CEP295: variants seen among roughly 807,000 people sequenced by gnomAD.
CEP295 encodes centrosomal protein of 295 kDa.
Under a neutral mutation model 291.6 loss-of-function variants are expected in CEP295, and 190 were observed. The ratio of observed to expected loss-of-function variants is 0.65; its 90% CI spans 0.58 to 0.73. The LOEUF is 0.73. Ranked by LOEUF, CEP295 falls within the 30% of genes least tolerant of loss-of-function variation. CEP295 has a pLI of 0.00. For missense variants in CEP295, 2,863 were observed against 2,949.4 expected (o/e 0.97, Z 0.68); for synonymous variants, 993 against 1,038.8 (o/e 0.96, Z 0.85).
intron 5 of CEP295, among the ~76,000 whole-genome samples, chr11:93,671,433 T>C (rs1472179158): frequency 1.3e-5 from 2 of 152,176 alleles, no homozygotes; most frequent in African/African-American, 4.8e-5. Context: ...TTGAAGTTGT[T>C]TCTTGCGTCC....
intron 24 of CEP295, chr11:93,727,994 C>G (rs973209993): frequency 3.4e-4 from 60 of 175,788 alleles, no homozygotes; most frequent in African/African-American, 1.3e-3. Context: ...TCCAACTTCC[C>G]TGAAAAATGG....
chr11:93,711,669 A>ATT (rs1379094565), intron 18 of CEP295, among the ~76,000 whole-genome samples: 1 of 151,892 alleles, frequency 6.6e-6, no homozygotes, highest in African/African-American at 2.4e-5. Flanking sequence ...TGCTTAGCTA[A>ATT]TTTTTGTATT....
chr11:93,666,591 C>T, intron 1 of CEP295, 91 bp from the exon 2 acceptor site: 2 of 581,386 alleles, frequency 3.4e-6, no homozygotes, highest in Non-Finnish European at 6.0e-6. Context: ...AAGACTCTGT[C>T]TCAAAAAAAA....
intron 19 of CEP295, chr11:93,721,631 ATAAAACAATG>A: frequency 1.3e-6 from 1 of 753,712 alleles, no homozygotes; most frequent in Non-Finnish European, 2.4e-6. Flanking sequence ...AAGCAAAACT[ATAAAACAATG>A]TAAAACAATA....
At position 93,706,731 on chromosome 11, in the gene CEP295, T is replaced by C. The variant is rs929196695; in HGVS notation, c.5597-14T>C. The C allele has an allele frequency of 4.4e-5, 66 of 1,503,246 alleles. No homozygotes were observed. Among genetic ancestry groups the C allele is most frequent in the Non-Finnish European group, 5.7e-5 (64 of 1,124,798 alleles). The allele number at this position is 1,503,246 out of a possible 1,614,324, so 93.1% of individuals were successfully genotyped here. ...GTTCCAGAAATTGAAGTGGAAATAT[T>C]TTTTCCCCCCCAGGTAAACCAGGTA... On this transcript the variant is annotated splice_polypyrimidine_tract_variant and intron_variant, in intron 17 of 29. Transcript: ENST00000325212.
chr11:93,662,008 C>T (rs955670636), intron 1 of CEP295, among the ~76,000 whole-genome samples: 1 of 152,178 alleles, frequency 6.6e-6, no homozygotes, highest in Non-Finnish European at 1.5e-5. Context: ...AGAGGCTTTG[C>T]GCGCTCTCCT....
Position 93,696,799 on chromosome 11 carries a change from A to T in CEP295, c.1887A>T (p.Ser629=). The change falls in exon 15 of 30, where the codon TCA becomes TCT. Residue 629 remains serine, a synonymous_variant. Coordinates refer to ENST00000325212, the MANE Select transcript of CEP295 (RefSeq NM_033395.2). ...CATTGATAACTGATTCTGTTATATC[A>T]GTGCCATCATGGAAATCTGAGAGAC... ...APSLITDSVI[S]VPSWKSERPT... The T allele has an allele frequency of 6.4e-7, 1 of 1,551,724 alleles. No individual in the cohort carries two copies. Among genetic ancestry groups the T allele is most frequent in the Non-Finnish European group, 8.7e-7 (1 of 1,146,992 alleles).
chr11:93,700,426 CTT>C (rs11410177), intron 15 of CEP295, among the ~76,000 whole-genome samples: 36 of 129,268 alleles, frequency 2.8e-4, no homozygotes, highest in Non-Finnish European at 4.2e-4. Flanking sequence ...TTTGTTTTTG[CTT>C]TTTTTTTTTT....
chr11:93,688,682 G>T (rs1036943408), intron 10 of CEP295, among the ~76,000 whole-genome samples: 2 of 151,998 alleles, frequency 1.3e-5, no homozygotes, highest in Non-Finnish European at 2.9e-5. Flanking sequence ...AGCTCATTCC[G>T]CAAGTCCCTT....
At chr11:93,705,590 T>C (rs1952461023) in intron 17 of CEP295, among the ~76,000 whole-genome samples, 1 of 152,246 alleles carries the variant, frequency 6.6e-6, no homozygotes, top group Admixed American at 6.5e-5. Context: ...TCTTTTTTTA[T>C]AGCATCCTGC....
At chr11:93,677,228 A>C (rs1479713840) in intron 6 of CEP295, among the ~76,000 whole-genome samples, 1 of 152,080 alleles carries the variant, frequency 6.6e-6, no homozygotes, top group Non-Finnish European at 1.5e-5. Context: ...TCCCTGGAGG[A>C]GTACGATATG....
At chr11:93,721,274 T>G in intron 18 of CEP295, 38 bp from the exon 19 acceptor site, 1 of 1,182,210 alleles carries the variant, frequency 8.5e-7, no homozygotes, top group Non-Finnish European at 1.2e-6. Flanking sequence ...CCCAACTATA[T>G]TTTTCTCCCA....
At chr11:93,675,217 G>T (rs1332348884) in intron 5 of CEP295, among the ~76,000 whole-genome samples, 1 of 152,116 alleles carries the variant, frequency 6.6e-6, no homozygotes, top group African/African-American at 2.4e-5. Context: ...GCATGTTGTT[G>T]TCTTATAAAT....
At chr11:93,662,135 A>T (rs1950020270) in intron 1 of CEP295, among the ~76,000 whole-genome samples, 1 of 152,202 alleles carries the variant, frequency 6.6e-6, no homozygotes. Flanking sequence ...GGTAGCTGTT[A>T]AAAGAGCCTT....
At position 93,684,141 on chromosome 11, in the gene CEP295, C is replaced by T. The variant is rs1445980102; in HGVS notation, c.1114+13C>T. On this transcript the variant is annotated intron_variant, in intron 9 of 29. Coordinates refer to ENST00000325212, the MANE Select transcript of CEP295 (RefSeq NM_033395.2). ...AGTGAAACAGATGGTAAAAACCCTTCTGAGCTAAATATTACAGTATTTCAC... is the reference window on the plus strand; with the variant it reads ...AGTGAAACAGATGGTAAAAACCCTTTTGAGCTAAATATTACAGTATTTCAC... The T allele has an allele frequency of 6.5e-7, 1 of 1,547,624 alleles. No individual in the cohort carries two copies. The highest frequency in any genetic ancestry group is 8.7e-7 in the Non-Finnish European group (1 of 1,145,220).
intron 23 of CEP295, chr11:93,726,755 T>C (rs1954175444): frequency 4.9e-6 from 2 of 409,396 alleles, no homozygotes; most frequent in East Asian, 3.9e-5. Context: ...ATATTGTCCT[T>C]ATTAAATATT....
chr11:93,675,731 T>C (rs1423995847), intron 6 of CEP295, 65 bp downstream of exon 6: 15 of 830,268 alleles, frequency 1.8e-5, no homozygotes, highest in Non-Finnish European at 2.8e-5. Flanking sequence ...AATTGAATTA[T>C]ATCTTAGTTA....
intron 1 of CEP295, among the ~76,000 whole-genome samples, chr11:93,666,235 C>T (rs748329988): frequency 2.0e-5 from 3 of 152,118 alleles, no homozygotes; most frequent in Non-Finnish European, 4.4e-5. Context: ...AGTTGGACTT[C>T]GTTTACTCAA....
In CEP295 at chr11:93,662,619, C is replaced by T. The variant is rs538386217; in HGVS notation, c.-27+845C>T. 2.0e-5 allele frequency among the ~76,000 whole-genome samples: 3 copies of T among 152,248 alleles called. No homozygotes were observed. The South Asian group carries it at 6.2e-4, about 32-fold the overall frequency. On this transcript the variant is annotated intron_variant, in intron 1 of 29. Transcript: ENST00000325212. Reference sequence around the variant, plus strand: ...ATTAATAAACAAGTAAATGGGGCAGCAGGGAAAACTTCCTTACAGCAGGAT... The same window carrying T: ...ATTAATAAACAAGTAAATGGGGCAGTAGGGAAAACTTCCTTACAGCAGGAT...
Sources: allele counts gnomAD v4.1 joint callset (sites outside exome capture counted in the v4.1 genomes callset), GRCh38; gene constraint gnomAD v4.1.1; transcripts MANE v1.5; gene names NCBI Gene and HGNC (gene_info 2026-07-23, HGNC 2026-07-21).